GNG7: variants seen among roughly 807,000 people sequenced by gnomAD.
The protein encoded by GNG7 is G protein subunit gamma 7, also known as guanine nucleotide-binding protein G(I)/G(S)/G(O) subunit gamma-7.
A neutral mutation model predicts 4.0 loss-of-function variants in GNG7; 1 was observed. The ratio of observed to expected loss-of-function variants is 0.25; its 90% CI spans 0.09 to 1.18. The LOEUF is 1.18. Among genes scored for constraint, GNG7 ranks in the 50% most tolerant of loss-of-function variants. The pLI is 0.50. For synonymous variants in GNG7, 34 were observed against 36.9 expected (o/e 0.92, Z 0.29); for missense variants, 86 against 91.9 (o/e 0.94, Z 0.26).
At chr19:2,555,368 C>A (rs1979511809) in intron 2 of GNG7, among the ~76,000 whole-genome samples, 180 bp from the exon 3 acceptor site, 1 of 152,126 alleles carries the variant, frequency 6.6e-6, no homozygotes, top group Non-Finnish European at 1.5e-5. Flanking sequence ...CCACTTTATT[C>A]TTTACCACCG....
At chr19:2,700,590 A>G (rs552975362) in intron 1 of GNG7, 1 of 152,332 alleles carries the variant, frequency 6.6e-6, no homozygotes, top group East Asian at 1.9e-4. Flanking sequence ...CCACCAAAGA[A>G]AAAAACTGGA....
intron 3 of GNG7, among the ~76,000 whole-genome samples, chr19:2,554,559 A>ATTTT (rs34740203): frequency 9.2e-5 from 12 of 130,114 alleles, no homozygotes; most frequent in African/African-American, 3.4e-4. Context: ...ATATATATAT[A>ATTTT]TTTTTTTTTT....
At chr19:2,652,321 C>A (rs1006109877) in intron 1 of GNG7, among the ~76,000 whole-genome samples, 9 of 151,824 alleles carry the variant, frequency 5.9e-5, no homozygotes, top group Non-Finnish European at 1.3e-4. Context: ...ACAAAACAAG[C>A]AAAGAACCCC....
chr19:2,564,303 G>T (rs1979835127), intron 2 of GNG7, among the ~76,000 whole-genome samples: 1 of 152,110 alleles, frequency 6.6e-6, no homozygotes, highest in South Asian at 2.1e-4. Flanking sequence ...GACACAGGCT[G>T]AGATTGGTGG....
intron 2 of GNG7, among the ~76,000 whole-genome samples, chr19:2,620,295 C>G (rs958961554): frequency 6.7e-6 from 1 of 149,206 alleles, no homozygotes; most frequent in Non-Finnish European, 1.5e-5. Context: ...GAAAGAAAGG[C>G]AGATCCCCCT....
chr19:2,548,125 T>A (rs1403160465), intron 3 of GNG7, among the ~76,000 whole-genome samples: 1 of 152,040 alleles, frequency 6.6e-6, no homozygotes, highest in Admixed American at 6.6e-5. Context: ...CCCAGGGAGC[T>A]TCTCCCTGAG....
intron 2 of GNG7, chr19:2,643,594 G>C (rs550254478): frequency 2.4e-6 from 1 of 416,216 alleles, no homozygotes; most frequent in African/African-American, 2.3e-5. Context: ...CTTCCGGCCC[G>C]GCTCCGTCGG....
At chr19:2,577,216 G>A (rs1027659215) in intron 2 of GNG7, among the ~76,000 whole-genome samples, 5 of 152,164 alleles carry the variant, frequency 3.3e-5, no homozygotes, top group African/African-American at 7.2e-5. Context: ...TCAGGAGTCC[G>A]GGAACAGCCA....
chr19:2,516,709 T>C (rs962491079), intron 4 of GNG7, among the ~76,000 whole-genome samples: 2 of 152,134 alleles, frequency 1.3e-5, no homozygotes, highest in African/African-American at 4.8e-5. Context: ...TGAGGGAGGT[T>C]TCACGGTGAC....
At chr19:2,547,422 C>G (rs985164579) in intron 3 of GNG7, among the ~76,000 whole-genome samples, 15 of 152,180 alleles carry the variant, frequency 9.9e-5, no homozygotes, top group Admixed American at 3.3e-4. Flanking sequence ...CCTTCCTCCC[C>G]CTTCACAGAC....
intron 2 of GNG7, among the ~76,000 whole-genome samples, chr19:2,583,110 T>A (rs1980550788): frequency 6.6e-6 from 1 of 152,140 alleles, no homozygotes. Flanking sequence ...CTGGTCTAAC[T>A]GGCAAGTATT....
chr19:2,512,806 G>T lies in GNG7; in HGVS notation c.*2216C>A, dbSNP rs1207545753. On this transcript the variant is annotated 3_prime_UTR_variant, in exon 5 of 5. Coordinates refer to ENST00000382159, the MANE Select transcript of GNG7 (RefSeq NM_052847.3). The surrounding 1 kb of genome is among the most constrained non-coding windows in gnomAD (Gnocchi z 4.7). ...AGTTACCAAGATGGCTTGTTGGAAA[G>T]GGTGGAGGCAGGCGGGCTCTCCCTG... 4.4e-6 allele frequency: 3 copies of T among 682,944 alleles called. No individual in the cohort carries two copies. Among genetic ancestry groups the T allele is most frequent in the South Asian group, 6.5e-5 (1 of 15,344 alleles). 42.3% of individuals were successfully genotyped at this position (682,944 alleles called of 1,614,324 possible). A position where few individuals can be genotyped will look rare whatever the true frequency, so the allele number is the denominator to read the frequency against.
In GNG7 at chr19:2,515,076, T is replaced by G. The variant is rs1304764064; in HGVS notation, c.153A>C (p.Gly51=). The G allele has an allele frequency of 3.1e-6, 5 of 1,613,900 alleles. No individual in the cohort carries two copies. Among genetic ancestry groups the G allele is most frequent in the Non-Finnish European group, 4.2e-6 (5 of 1,179,938 alleles). Residue 51 remains glycine (G), a synonymous_variant, in exon 5 of 5, where the codon GGA becomes GGC. Transcript: ENST00000382159. ...QHARNDPLLV[G]VPASENPFKD... ...TAAAGGGGTTCTCCGAGGCAGGGACTCCGACCAGCAGGGGGTCGTTCCGGG... is the reference window on the plus strand; with the variant it reads ...TAAAGGGGTTCTCCGAGGCAGGGACGCCGACCAGCAGGGGGTCGTTCCGGG...
intron 2 of GNG7, among the ~76,000 whole-genome samples, chr19:2,593,714 T>C (rs984439242): frequency 1.3e-5 from 2 of 150,256 alleles, no homozygotes; most frequent in African/African-American, 4.9e-5. Context: ...ACTGCACTCC[T>C]GCCTGGGCAA....
At chr19:2,605,710 C>T (rs966815153) in intron 2 of GNG7, among the ~76,000 whole-genome samples, 4 of 151,640 alleles carry the variant, frequency 2.6e-5, no homozygotes, top group African/African-American at 4.9e-5. Flanking sequence ...GACGGGGTTT[C>T]ACCATGTTGG....
intron 3 of GNG7, among the ~76,000 whole-genome samples, chr19:2,540,089 TG>T (rs1978909387): frequency 7.5e-6 from 1 of 132,470 alleles, no homozygotes; most frequent in Non-Finnish European, 1.6e-5. Flanking sequence ...TCTCTCTCTC[TG>T]TTTCTTTCTC....
chr19:2,526,393 C>G (rs1978397670), intron 3 of GNG7, among the ~76,000 whole-genome samples: 1 of 151,252 alleles, frequency 6.6e-6, no homozygotes, highest in Non-Finnish European at 1.5e-5. Flanking sequence ...GCGTGAGCCA[C>G]CGCGCCTGGT....
chr19:2,519,357 T>C (rs1978296636), intron 4 of GNG7, among the ~76,000 whole-genome samples: 1 of 151,612 alleles, frequency 6.6e-6, no homozygotes, highest in Non-Finnish European at 1.5e-5. Flanking sequence ...GGTTTCACCA[T>C]GTTGGCCAGG....
intron 2 of GNG7, among the ~76,000 whole-genome samples, chr19:2,561,565 C>A (rs529350744): frequency 6.6e-6 from 1 of 151,988 alleles, no homozygotes; most frequent in Non-Finnish European, 1.5e-5. Context: ...CCACAAGAGC[C>A]TCTCTCAGAA....
Sources: allele counts gnomAD v4.1 joint callset (sites outside exome capture counted in the v4.1 genomes callset), GRCh38; gene constraint gnomAD v4.1.1; non-coding constraint Gnocchi (gnomAD v3.1); transcripts MANE v1.5; gene names NCBI Gene and HGNC (gene_info 2026-07-23, HGNC 2026-07-21).